The following KIFC3 variants were observed in gnomAD, a reference collection of about 807,000 sequenced individuals.
KIFC3 encodes the protein kinesin-like protein KIFC3.
In KIFC3, 60 loss-of-function variants were observed where a neutral mutation model predicts 101.8. That is an observed-to-expected ratio of 0.59 (90% confidence interval 0.48 to 0.73). The LOEUF (loss-of-function observed/expected upper bound fraction) is 0.73. Among genes scored for constraint, KIFC3 ranks in the 30% least tolerant of loss-of-function variants. The pLI, the probability that KIFC3 is intolerant of heterozygous loss-of-function variation, is 0.00. For missense variants in KIFC3, 966 were observed against 1,137.1 expected (o/e 0.85, Z 2.16); for synonymous variants, 476 against 482.7 (o/e 0.99, Z 0.18).
chr16:57,768,364 G>A (rs1470459795), intron 9 of KIFC3, among the ~76,000 whole-genome samples: 1 of 152,032 alleles, frequency 6.6e-6, no homozygotes. Flanking sequence ...AAAAAATGCT[G>A]TGTAAATAGT....
chr16:57,818,598 G>A (rs2055282110), intron 1 of KIFC3, among the ~76,000 whole-genome samples: 1 of 152,146 alleles, frequency 6.6e-6, no homozygotes, highest in Admixed American at 6.5e-5. Flanking sequence ...CTGGGCTCAA[G>A]GGATCCTCCT....
intron 1 of KIFC3, among the ~76,000 whole-genome samples, chr16:57,832,001 A>C (rs2055589461): frequency 6.6e-6 from 1 of 151,518 alleles, no homozygotes; most frequent in African/African-American, 2.4e-5. Context: ...TTGCAAGGTG[A>C]ATTTTTTGTT....
chr16:57,855,484 A>G (rs1248105807), intron 1 of KIFC3, among the ~76,000 whole-genome samples: 3 of 152,142 alleles, frequency 2.0e-5, no homozygotes, highest in African/African-American at 7.2e-5. Flanking sequence ...AAGCAAAAGT[A>G]CAACATATAA....
At chr16:57,824,415 G>A (rs1475895630) in intron 1 of KIFC3, among the ~76,000 whole-genome samples, 2 of 152,186 alleles carry the variant, frequency 1.3e-5, no homozygotes, top group Non-Finnish European at 2.9e-5. Context: ...GGGTGCAGTG[G>A]CTCACACCTG....
rs185400827 is a variant in KIFC3 at position 57,758,620 on chromosome 16, A to G, written c.*314T>C. On this transcript the variant is annotated 3_prime_UTR_variant, in exon 20 of 20. Transcript: ENST00000445690. ...GGGTGAGAGGCCCACCCTCCTCCACACTCCCGCCCTCCTCACGGGGCCCAG... is the reference window on the plus strand; with the variant it reads ...GGGTGAGAGGCCCACCCTCCTCCACGCTCCCGCCCTCCTCACGGGGCCCAG... The G allele has an allele frequency of 7.8e-3, 5,434 of 694,558 alleles. 108 individuals are homozygous for G. Among genetic ancestry groups the G allele is most frequent in the South Asian group, 0.029 (1,941 of 66,672 alleles). The allele number at this position is 694,558 out of a possible 1,614,324, so 43.0% of individuals were successfully genotyped here.
At chr16:57,820,107 G>C (rs1396580494) in intron 1 of KIFC3, among the ~76,000 whole-genome samples, 1 of 151,236 alleles carries the variant, frequency 6.6e-6, no homozygotes, top group Non-Finnish European at 1.5e-5. Flanking sequence ...GACCTCAAGT[G>C]ATTTGCCTGC....
intron 12 of KIFC3, among the ~76,000 whole-genome samples, chr16:57,762,845 G>T (rs1319675261): frequency 1.3e-5 from 2 of 152,172 alleles, no homozygotes; most frequent in Non-Finnish European, 2.9e-5. Flanking sequence ...CCGGCCACAG[G>T]GGCCTCCTGG....
At chr16:57,818,286 G>T (rs1555629277) in intron 1 of KIFC3, among the ~76,000 whole-genome samples, 1 of 152,116 alleles carries the variant, frequency 6.6e-6, no homozygotes, top group East Asian at 1.9e-4. Flanking sequence ...ACCTTGAGGG[G>T]CTTGGGAAAC....
At chr16:57,803,055 C>A, upstream of KIFC3, 1 of 1,535,640 alleles carries the variant, frequency 6.5e-7, no homozygotes. Flanking sequence ...ACTCGCTCCA[C>A]CACCTACTCG....
At chr16:57,849,469 T>C (rs1313456474) in intron 1 of KIFC3, among the ~76,000 whole-genome samples, 1 of 152,240 alleles carries the variant, frequency 6.6e-6, no homozygotes, top group Non-Finnish European at 1.5e-5. Context: ...AAGTGCTCTG[T>C]GGGTTCATAG....
At chr16:57,816,629 A>G (rs782788312) in intron 1 of KIFC3, 1 of 456,624 alleles carries the variant, frequency 2.2e-6, no homozygotes, top group South Asian at 1.5e-5. Context: ...TGCTCCAGAA[A>G]CCAGCCCTGG....
At chr16:57,841,107 CG>C (rs1168798973) in intron 1 of KIFC3, among the ~76,000 whole-genome samples, 1 of 152,062 alleles carries the variant, frequency 6.6e-6, no homozygotes, top group Non-Finnish European at 1.5e-5. Context: ...TCAGCAGAGA[CG>C]GAACAATAGA....
At chr16:57,816,324 C>A (rs139685023) in intron 1 of KIFC3, 4 of 1,152,676 alleles carry the variant, frequency 3.5e-6, no homozygotes, top group East Asian at 5.7e-5. Context: ...TCTGTCTTCC[C>A]GTGTGTCTTC....
chr16:57,816,523 C>T (rs1250182447), intron 1 of KIFC3: 2 of 456,698 alleles, frequency 4.4e-6, no homozygotes, highest in Non-Finnish European at 8.8e-6. Context: ...TTGTCTGCGC[C>T]TTACAAAACC....
chr16:57,768,360 T>C (rs1016669469), intron 9 of KIFC3, among the ~76,000 whole-genome samples: 1 of 152,096 alleles, frequency 6.6e-6, no homozygotes, highest in Non-Finnish European at 1.5e-5. Flanking sequence ...AACAAAAAAA[T>C]GCTGTGTAAA....
intron 1 of KIFC3, among the ~76,000 whole-genome samples, chr16:57,831,955 T>C (rs1461714213): frequency 6.6e-6 from 1 of 152,172 alleles, no homozygotes; most frequent in East Asian, 1.9e-4. Flanking sequence ...GGATACAAAA[T>C]GAATTAAACA....
chr16:57,804,132 T>A (rs1269577342), upstream of KIFC3, among the ~76,000 whole-genome samples: 1 of 152,194 alleles, frequency 6.6e-6, no homozygotes, highest in Admixed American at 6.5e-5. Context: ...ATAATAACAT[T>A]TATTGTTCTT....
intron 3 of KIFC3, chr16:57,782,039 C>A: frequency 1.0e-6 from 1 of 985,420 alleles, no homozygotes; most frequent in Non-Finnish European, 1.2e-6. Flanking sequence ...TACCCCCTGG[C>A]GGGCTTTGCT....
chr16:57,824,425 G>A (rs2055417860), intron 1 of KIFC3, among the ~76,000 whole-genome samples: 1 of 152,234 alleles, frequency 6.6e-6, no homozygotes, highest in Non-Finnish European at 1.5e-5. Context: ...GCTCACACCT[G>A]TAATCCCAGC....
Sources: gnomAD v4.1 joint callset for allele counts (sites outside exome capture counted in the v4.1 genomes callset) on GRCh38, gnomAD v4.1.1 for gene constraint, MANE v1.5 for transcripts, NCBI Gene and HGNC (gene_info 2026-07-23, HGNC 2026-07-21) for gene names.